Variants in ASIC2 observed in about 807,000 individuals in gnomAD.
ASIC2 encodes acid-sensing ion channel 2.
A neutral mutation model predicts 57.3 loss-of-function variants in ASIC2; 25 were observed. The ratio of observed to expected loss-of-function variants is 0.44; its 90% CI spans 0.32 to 0.61. The LOEUF (loss-of-function observed/expected upper bound fraction) is 0.61. Among genes scored for constraint, ASIC2 ranks in the 20% least tolerant of loss-of-function variants. ASIC2 has a pLI of 0.06. For synonymous variants in ASIC2, 319 were observed against 307.5 expected (o/e 1.04, Z -0.39); for missense variants, 641 against 738.1 (o/e 0.87, Z 1.52).
intron 1 of ASIC2, among the ~76,000 whole-genome samples, chr17:33,564,877 G>A (rs938739613): frequency 6.6e-6 from 1 of 152,238 alleles, no homozygotes; most frequent in African/African-American, 2.4e-5. Flanking sequence ...TGTGCCTTAA[G>A]GACATGCTCC....
At chr17:33,834,154 T>C (rs1384857089) in intron 1 of ASIC2, 1 of 152,268 alleles carries the variant, frequency 6.6e-6, no homozygotes, top group Non-Finnish European at 1.5e-5. Context: ...GTCATTATCA[T>C]CTTGCCAAAG....
At chr17:33,533,401 T>C (rs939942040) in intron 1 of ASIC2, 1 of 152,236 alleles carries the variant, frequency 6.6e-6, no homozygotes, top group Non-Finnish European at 1.5e-5. Flanking sequence ...TCTCACATTC[T>C]ATTATGTAGC....
At chr17:33,966,401 T>C (rs1202889868) in intron 1 of ASIC2, among the ~76,000 whole-genome samples, 3 of 152,216 alleles carry the variant, frequency 2.0e-5, no homozygotes, top group Admixed American at 2.0e-4. Context: ...CACTATTCCA[T>C]GGAGAATCCT....
chr17:33,401,983 T>G (rs1910302054), intron 1 of ASIC2, among the ~76,000 whole-genome samples: 2 of 152,230 alleles, frequency 1.3e-5, no homozygotes, highest in Admixed American at 1.3e-4. Flanking sequence ...TTCTCTTCTT[T>G]GACTCCAATT....
At chr17:33,936,120 G>A (rs982842245) in intron 1 of ASIC2, 1 of 152,262 alleles carries the variant, frequency 6.6e-6, no homozygotes, top group African/African-American at 2.4e-5. Flanking sequence ...TTGAGTTTGT[G>A]GGGTGCGGGG....
chr17:33,483,834 C>T (rs1196003452), intron 1 of ASIC2, among the ~76,000 whole-genome samples: 1 of 152,180 alleles, frequency 6.6e-6, no homozygotes, highest in Admixed American at 6.5e-5. Flanking sequence ...TATTACTTTA[C>T]ATGACAAAAG....
At chr17:33,803,472 G>T (rs776390310) in intron 1 of ASIC2, among the ~76,000 whole-genome samples, 2 of 151,984 alleles carry the variant, frequency 1.3e-5, no homozygotes, top group Admixed American at 6.6e-5. Context: ...GTACCCCAGG[G>T]CATGGCAGTT....
Position 34,032,289 on chromosome 17 carries a change from ATACT to A in ASIC2, c.555+123685_555+123688del, listed in dbSNP as rs1299435816. ...GCTTCATAAGTGAAGGAGAAATAAA[ATACT>A]TTACAGACAAGCAAATGCTGAGAGA... is the stretch of plus-strand genomic sequence containing the variant. On this transcript the variant is annotated intron_variant, in intron 1 of 9. Coordinates refer to the ASIC2 transcript ENST00000359872. Among the ~76,000 whole-genome samples the A allele has an allele frequency of 4.6e-5, 7 of 152,312 alleles. No individual in the cohort carries two copies. The East Asian group carries it at 1.3e-3, about 29-fold the overall frequency.
chr17:33,779,084 A>G (rs186829919), intron 1 of ASIC2, among the ~76,000 whole-genome samples: 9 of 152,302 alleles, frequency 5.9e-5, no homozygotes, highest in African/African-American at 2.2e-4. Context: ...AGGGGCCCAG[A>G]CCACTTTTAA....
At chr17:33,232,874 G>C (rs1381308773) in intron 1 of ASIC2, among the ~76,000 whole-genome samples, 1 of 152,184 alleles carries the variant, frequency 6.6e-6, no homozygotes, top group Admixed American at 6.5e-5. Flanking sequence ...CTTGTATTGT[G>C]CTTTGTCCTG....
At chr17:33,895,120 T>C (rs573183984) in intron 1 of ASIC2, among the ~76,000 whole-genome samples, 4 of 152,204 alleles carry the variant, frequency 2.6e-5, no homozygotes, top group Non-Finnish European at 4.4e-5. Flanking sequence ...ATCCAGTCTT[T>C]TTGAATAAAT....
intron 1 of ASIC2, among the ~76,000 whole-genome samples, chr17:33,835,090 T>C (rs909014559): frequency 1.3e-5 from 2 of 152,178 alleles, no homozygotes. Flanking sequence ...ACTTTCACAT[T>C]GTGAGATTGT....
intron 3 of ASIC2, among the ~76,000 whole-genome samples, chr17:33,059,531 T>A (rs1567729920): frequency 6.6e-6 from 1 of 152,240 alleles, no homozygotes; most frequent in Admixed American, 6.5e-5. Context: ...GGTGTATATA[T>A]GCCACATTTT....
At chr17:33,413,468 C>T (rs1006537938) in intron 1 of ASIC2, among the ~76,000 whole-genome samples, 2 of 152,232 alleles carry the variant, frequency 1.3e-5, no homozygotes, top group Non-Finnish European at 2.9e-5. Context: ...GCCCACTTCT[C>T]TCCCTCTCTG....
intron 1 of ASIC2, among the ~76,000 whole-genome samples, chr17:33,982,527 C>T (rs570015025): frequency 1.8e-4 from 27 of 152,304 alleles, no homozygotes; most frequent in African/African-American, 4.8e-4. Flanking sequence ...GTGACAAGAT[C>T]GTCCATTAGT....
At chr17:33,761,971 C>A (rs1352045254) in intron 1 of ASIC2, among the ~76,000 whole-genome samples, 1 of 152,074 alleles carries the variant, frequency 6.6e-6, no homozygotes, top group African/African-American at 2.4e-5. Flanking sequence ...ACAGCCAGCA[C>A]TCTCTATGGT....
At chr17:33,919,840 C>A (rs184129928) in intron 1 of ASIC2, among the ~76,000 whole-genome samples, 2 of 152,132 alleles carry the variant, frequency 1.3e-5, no homozygotes, top group Non-Finnish European at 2.9e-5. Flanking sequence ...TAACAAATAA[C>A]CCCATTAAAA....
At chr17:33,288,761 A>C (rs558570409) in intron 1 of ASIC2, among the ~76,000 whole-genome samples, 24 of 127,200 alleles carry the variant, frequency 1.9e-4, no homozygotes, top group African/African-American at 7.0e-4. Flanking sequence ...CACACACACA[A>C]CTAATATGGT....
chr17:33,949,246 G>A (rs1301385286), intron 1 of ASIC2, among the ~76,000 whole-genome samples: 1 of 152,102 alleles, frequency 6.6e-6, no homozygotes, highest in Non-Finnish European at 1.5e-5. Flanking sequence ...TGTCTTTTGG[G>A]AAAATCTCTC....
Sources: allele counts gnomAD v4.1 joint callset (sites outside exome capture counted in the v4.1 genomes callset), GRCh38; gene constraint gnomAD v4.1.1; transcripts MANE v1.5; gene names NCBI Gene and HGNC (gene_info 2026-07-23, HGNC 2026-07-21).